The following CAST variants were observed in gnomAD, a reference collection of about 807,000 sequenced individuals.
CAST encodes calpastatin.
CAST carries 76 observed loss-of-function variants against 119.6 expected under a neutral mutation model. The observed-to-expected ratio is 0.64, with a 90% CI of 0.53 to 0.77. The LOEUF is 0.77. CAST is among the 30% of genes least tolerant of loss of function. The probability of loss-of-function intolerance (pLI) is 0.00; values close to 1 mark genes in which losing one functional copy is unlikely to be tolerated. For synonymous variants in CAST, 319 were observed against 331.6 expected (o/e 0.96, Z 0.41); for missense variants, 953 against 946.5 (o/e 1.01, Z -0.09).
At chr5:96,307,983 A>G in the CAST span, among the ~76,000 whole-genome samples, 4 of 152,110 alleles carry the variant, frequency 2.6e-5, no homozygotes, top group Non-Finnish European at 5.9e-5. Flanking sequence ...CATTTCCTGA[A>G]TTTGAATGTT....
intron 1 of CAST, among the ~76,000 whole-genome samples, chr5:96,543,617 G>A (rs968701399): frequency 6.6e-6 from 1 of 151,924 alleles, no homozygotes; most frequent in Non-Finnish European, 1.5e-5. Flanking sequence ...ACTAATCGAT[G>A]GTTTTTTTCA....
chr5:96,286,696 A>T, the CAST span, among the ~76,000 whole-genome samples: 1 of 152,184 alleles, frequency 6.6e-6, no homozygotes, highest in East Asian at 1.9e-4. Context: ...AGAAGGCTAG[A>T]GATTAACATA....
chr5:96,184,486 C>A, the CAST span, among the ~76,000 whole-genome samples: 1 of 152,130 alleles, frequency 6.6e-6, no homozygotes, highest in Non-Finnish European at 1.5e-5. Flanking sequence ...CATGCATTAG[C>A]TGTTCTTCCT....
chr5:96,515,500 T>C, the CAST span, among the ~76,000 whole-genome samples: 11 of 151,926 alleles, frequency 7.2e-5, no homozygotes, highest in African/African-American at 1.7e-4. Context: ...GGAGCCACAG[T>C]ATTCACGTCC....
chr5:96,355,243 C>T, the CAST span, among the ~76,000 whole-genome samples: 2 of 151,468 alleles, frequency 1.3e-5, no homozygotes, highest in East Asian at 3.9e-4. Flanking sequence ...ATGTGTTCTC[C>T]TTGTTCAACT....
At chr5:96,692,827 A>G (rs1561479181) in intron 2 of CAST, among the ~76,000 whole-genome samples, 1 of 152,134 alleles carries the variant, frequency 6.6e-6, no homozygotes, top group Non-Finnish European at 1.5e-5. Flanking sequence ...TTTCTACTGG[A>G]ATGTAAGTGC....
At chr5:96,340,893 G>A in the CAST span, among the ~76,000 whole-genome samples, 4 of 152,074 alleles carry the variant, frequency 2.6e-5, no homozygotes, top group East Asian at 1.9e-4. Context: ...TATGATGCTC[G>A]TTACTAAATG....
the CAST span, among the ~76,000 whole-genome samples, chr5:96,174,205 CTT>C: frequency 2.0e-5 from 3 of 152,152 alleles, no homozygotes; most frequent in Non-Finnish European, 4.4e-5. Context: ...CCAGGAGCCT[CTT>C]TGGGCTGCCC....
the CAST span, among the ~76,000 whole-genome samples, chr5:96,516,014 C>G: frequency 3.3e-5 from 1 of 30,690 alleles, no homozygotes; most frequent in Non-Finnish European, 8.0e-5. Flanking sequence ...CCTTATAGCC[C>G]TTGACCACAA....
the CAST span, among the ~76,000 whole-genome samples, chr5:96,491,490 C>CAAAAAAAA: frequency 1.6e-3 from 88 of 56,746 alleles, 5 homozygotes; most frequent in South Asian, 3.4e-3. Flanking sequence ...GACTCCATCT[C>CAAAAAAAA]AAAAAAAAAA....
intron 1 of CAST, among the ~76,000 whole-genome samples, chr5:96,612,895 GTAAA>G (rs1347833615): frequency 6.6e-6 from 1 of 152,052 alleles, no homozygotes; most frequent in Non-Finnish European, 1.5e-5. Flanking sequence ...ATATACATGT[GTAAA>G]TACACAGTAC....
At chr5:96,663,090 C>G (rs1014474185) in intron 1 of CAST, 2 of 702,120 alleles carry the variant, frequency 2.8e-6, no homozygotes, top group African/African-American at 3.5e-5. Flanking sequence ...ACCCCGCGCC[C>G]TCGCCGGCTC....
At chr5:96,564,370 T>C (rs1746432963) in intron 1 of CAST, among the ~76,000 whole-genome samples, 1 of 152,236 alleles carries the variant, frequency 6.6e-6, no homozygotes, top group South Asian at 2.1e-4. Flanking sequence ...ACTTTTTCAC[T>C]TGGGCTGGCT....
At chr5:96,532,449 G>A (rs261970) in intron 1 of CAST, among the ~76,000 whole-genome samples, 1 of 152,176 alleles carries the variant, frequency 6.6e-6, no homozygotes, top group African/African-American at 2.4e-5. Context: ...GCATGGTGGC[G>A]CATGCCTGTA....
At chr5:96,477,065 A>AACACAC in the CAST span, among the ~76,000 whole-genome samples, 825 of 136,682 alleles carry the variant, frequency 6.0e-3, 11 homozygotes, top group African/African-American at 0.019. Context: ...AATGTGCCAA[A>AACACAC]ACACACACAC....
At chr5:96,460,417 T>C in the CAST span, among the ~76,000 whole-genome samples, 9 of 151,952 alleles carry the variant, frequency 5.9e-5, no homozygotes, top group Non-Finnish European at 1.2e-4. Context: ...TTAGGACAAA[T>C]ACCTAATGCA....
At chr5:96,752,961 T>TACACACACAC (rs112835890) in intron 20 of CAST, among the ~76,000 whole-genome samples, 10,352 of 143,214 alleles carry the variant, frequency 0.072, 482 homozygotes, top group Middle Eastern at 0.12. Flanking sequence ...ATGCATTTTA[T>TACACACACAC]ACACACACAC....
At chr5:96,502,809 T>C in the CAST span, among the ~76,000 whole-genome samples, 1 of 152,184 alleles carries the variant, frequency 6.6e-6, no homozygotes, top group African/African-American at 2.4e-5. Flanking sequence ...GCCAGATTAA[T>C]CAATATGACT....
chr5:96,263,380 A>T, the CAST span, among the ~76,000 whole-genome samples: 1 of 152,176 alleles, frequency 6.6e-6, no homozygotes, highest in Non-Finnish European at 1.5e-5. Flanking sequence ...TGAAGAAGAA[A>T]AAAGAAATGT....
Sources: allele counts gnomAD v4.1 joint callset (sites outside exome capture counted in the v4.1 genomes callset), GRCh38; gene constraint gnomAD v4.1.1; transcripts MANE v1.5; gene names NCBI Gene and HGNC (gene_info 2026-07-23, HGNC 2026-07-21).